The following GNG7 variants were observed in gnomAD, a reference collection of about 807,000 sequenced individuals.
GNG7 encodes guanine nucleotide-binding protein G(I)/G(S)/G(O) subunit gamma-7.
GNG7 carries 1 observed loss-of-function variant against 4.0 expected under a neutral mutation model. The observed-to-expected ratio is 0.25, with a 90% CI of 0.09 to 1.18. GNG7 has a LOEUF of 1.18. Among genes scored for constraint, GNG7 ranks in the 50% most tolerant of loss-of-function variants. The pLI is 0.50. For missense variants in GNG7, 86 were observed against 91.9 expected (o/e 0.94, Z 0.26); for synonymous variants, 34 against 36.9 (o/e 0.92, Z 0.29).
chr19:2,596,012 C>G (rs565616152), intron 2 of GNG7, among the ~76,000 whole-genome samples: 1 of 152,042 alleles, frequency 6.6e-6, no homozygotes, highest in African/African-American at 2.4e-5. Flanking sequence ...TACTCTACTA[C>G]AGAGGAGGAA....
intron 4 of GNG7, among the ~76,000 whole-genome samples, chr19:2,519,076 G>A (rs916803260): frequency 6.6e-5 from 10 of 150,940 alleles, no homozygotes; most frequent in African/African-American, 2.4e-4. Flanking sequence ...GATTCCAGGC[G>A]TGAGTCACCG....
intron 3 of GNG7, among the ~76,000 whole-genome samples, chr19:2,540,382 C>A (rs1162680704): frequency 6.6e-6 from 1 of 152,026 alleles, no homozygotes; most frequent in Non-Finnish European, 1.5e-5. Flanking sequence ...GATCTCCTGG[C>A]CTCCGGTGAT....
Position 2,657,361 on chromosome 19 carries a change from A to AATATATATAT in GNG7, c.-134-11091_-134-11082dup, listed in dbSNP as rs869231931. On this transcript the variant is annotated intron_variant, in intron 1 of 4. Coordinates refer to ENST00000382159, the MANE Select transcript of GNG7 (RefSeq NM_052847.3). The stretch of plus-strand genomic sequence containing the variant: ...TTAAAAAAAAAAAAAAAAAAAAAAA[A>AATATATATAT]ATATATATATATATATATATATATA... Among the ~76,000 whole-genome samples the AATATATATAT allele has an allele frequency of 4.2e-3, 67 of 15,942 alleles. 1 individual carries two copies. The highest frequency in any genetic ancestry group is 5.6e-3 in the South Asian group (2 of 354). The allele number at this position is 15,942 out of a possible 152,430, so 10.5% of individuals were successfully genotyped here.
At chr19:2,551,668 T>TA (rs1979336241) in intron 3 of GNG7, among the ~76,000 whole-genome samples, 3 of 112,790 alleles carry the variant, frequency 2.7e-5, no homozygotes, top group African/African-American at 4.4e-5. Context: ...AAATATATAT[T>TA]TAAAAAATAT....
chr19:2,512,960 C>A lies in GNG7; in HGVS notation c.*2062G>T, dbSNP rs1039742932. The A allele has an allele frequency of 1.0e-6, 1 of 985,340 alleles. No individual in the cohort carries two copies. The highest frequency in any genetic ancestry group is 1.7e-5 in the African/African-American group (1 of 57,254). The allele number at this position is 985,340 out of a possible 1,614,324, so 61.0% of individuals were successfully genotyped here. A position where few individuals can be genotyped will look rare whatever the true frequency, so the allele number is the denominator to read the frequency against. The stretch of plus-strand genomic sequence containing the variant: ...CCCAACCACAGGAGGCTGCAGTCTC[C>A]GGGAGCCTCTGGGGCTCTCCCGGGC... On this transcript the variant is annotated 3_prime_UTR_variant, in exon 5 of 5. Coordinates refer to ENST00000382159, the MANE Select transcript of GNG7 (RefSeq NM_052847.3). The surrounding 1 kb of genome is among the most constrained non-coding windows in gnomAD (Gnocchi z 4.7).
rs796899840 is a variant in GNG7, at chr19:2,633,487, G to GCACACACA, written c.-78+12729_-78+12736dup. Reference sequence around the variant, plus strand: ...TAGCAACAGGCGCGCGCGCGCGCGCGCACACACACACACACACACACACAC... The same window carrying GCACACACA: ...TAGCAACAGGCGCGCGCGCGCGCGCGCACACACACACACACACACACACACACACACAC... On this transcript the variant is annotated intron_variant, in intron 2 of 4. Coordinates refer to ENST00000382159, the MANE Select transcript of GNG7 (RefSeq NM_052847.3). This position sits in a 1 kb window ranked among gnomAD's most constrained non-coding sequence, Gnocchi z 5.9. Among the ~76,000 whole-genome samples, 927 of 103,756 alleles carry GCACACACA rather than the reference G, an allele frequency of 8.9e-3. 10 individuals are homozygous for GCACACACA. The highest frequency in any genetic ancestry group is 0.027 in the East Asian group (102 of 3,776). 68.1% of individuals were successfully genotyped at this position (103,756 alleles called of 152,430 possible).
chr19:2,526,059 C>T (rs113373218), intron 3 of GNG7, among the ~76,000 whole-genome samples: 1 of 148,356 alleles, frequency 6.7e-6, no homozygotes, highest in East Asian at 2.0e-4. Flanking sequence ...CAACCTCCTC[C>T]TCCAGGGTTC....
intron 1 of GNG7, chr19:2,700,778 T>C (rs1257207812): frequency 6.6e-6 from 1 of 152,158 alleles, no homozygotes; most frequent in Non-Finnish European, 1.5e-5. Flanking sequence ...AGCGAGAGGC[T>C]GGGTCGGAAC....
In GNG7 at chr19:2,571,000, C is replaced by T. The variant is rs533430611; in HGVS notation, c.-77-15812G>A. On this transcript the variant is annotated intron_variant, in intron 2 of 4. Coordinates refer to ENST00000382159, the MANE Select transcript of GNG7 (RefSeq NM_052847.3). ...TTTTTTTTTTAGAGATGGGGTCTCA[C>T]TATGTTGTCCAGGTGGGTCTCAAAC... Among the ~76,000 whole-genome samples the T allele has an allele frequency of 3.3e-5, 5 of 151,564 alleles. No homozygotes were observed. In the East Asian group the frequency reaches 9.7e-4, roughly 29 times the overall value.
At chr19:2,692,484 A>C (rs976220017) in intron 1 of GNG7, among the ~76,000 whole-genome samples, 3 of 151,860 alleles carry the variant, frequency 2.0e-5, no homozygotes, top group Non-Finnish European at 4.4e-5. Context: ...AAATACAAAA[A>C]ATCAGCCGGG....
At chr19:2,684,768 C>T (rs915599968) in intron 1 of GNG7, among the ~76,000 whole-genome samples, 2 of 151,930 alleles carry the variant, frequency 1.3e-5, no homozygotes, top group African/African-American at 4.8e-5. Flanking sequence ...GCGGGTGGAT[C>T]ACCTGAGGTC....
chr19:2,602,428 C>T (rs182752103), intron 2 of GNG7, among the ~76,000 whole-genome samples: 1 of 152,200 alleles, frequency 6.6e-6, no homozygotes, highest in Non-Finnish European at 1.5e-5. Context: ...CCCTCCTGCA[C>T]GCTTTTAAGC....
chr19:2,588,301 C>G (rs1980736687), intron 2 of GNG7, among the ~76,000 whole-genome samples: 1 of 152,180 alleles, frequency 6.6e-6, no homozygotes, highest in South Asian at 2.1e-4. Flanking sequence ...TTGCAACTGG[C>G]CTTTACATCC....
At chr19:2,684,583 G>C (rs1471941789) in intron 1 of GNG7, among the ~76,000 whole-genome samples, 2 of 152,206 alleles carry the variant, frequency 1.3e-5, no homozygotes, top group Non-Finnish European at 2.9e-5. Flanking sequence ...GCCACGATGA[G>C]GATGCACTTT....
chr19:2,607,162 A>C (rs1347135854), intron 2 of GNG7, among the ~76,000 whole-genome samples: 1 of 150,990 alleles, frequency 6.6e-6, no homozygotes, highest in Non-Finnish European at 1.5e-5. Context: ...TTGAGGCTGC[A>C]GTGAGCTGTG....
chr19:2,586,984 C>CAAA (rs756891397), intron 2 of GNG7, among the ~76,000 whole-genome samples: 78 of 48,680 alleles, frequency 1.6e-3, no homozygotes, highest in Non-Finnish European at 2.4e-3. Flanking sequence ...GACTCCATCT[C>CAAA]AAAAAAAAAA....
Position 2,513,658 on chromosome 19 carries a change from G to C in GNG7, c.*1364C>G. 2 of 787,180 alleles carry C rather than the reference G, an allele frequency of 2.5e-6. No individual in the cohort carries two copies. The highest frequency in any genetic ancestry group is 3.1e-6 in the Non-Finnish European group (2 of 649,134). The allele number at this position is 787,180 out of a possible 1,614,324, so 48.8% of individuals were successfully genotyped here. A position where few individuals can be genotyped will look rare whatever the true frequency, so the allele number is the denominator to read the frequency against. On this transcript the variant is annotated 3_prime_UTR_variant, in exon 5 of 5. Coordinates refer to ENST00000382159, the MANE Select transcript of GNG7 (RefSeq NM_052847.3). Reference sequence around the variant, plus strand: ...GCAAAAAGATCGGGTTCGAGCGACAGGGTAACGTTTTGAGCGGACGTTTTG... The same window carrying C: ...GCAAAAAGATCGGGTTCGAGCGACACGGTAACGTTTTGAGCGGACGTTTTG...
At position 2,609,137 on chromosome 19, in the gene GNG7, CTGCCT is replaced by C. The variant is rs1981484646; in HGVS notation, c.-78+37082_-78+37086del. ...TGCCTCTCAGGTTCAAGCAATCCTC[CTGCCT>C]TAGCCTCCCGAGTAGCTGGGATTAC... On this transcript the variant is annotated intron_variant, in intron 2 of 4. Transcript: ENST00000382159. The surrounding 1 kb of genome is among the most constrained non-coding windows in gnomAD (Gnocchi z 4.4). Among the ~76,000 whole-genome samples, 1 of 152,050 alleles carries C rather than the reference CTGCCT, an allele frequency of 6.6e-6. No individual in the cohort carries two copies. Among genetic ancestry groups the C allele is most frequent in the African/African-American group, 2.4e-5 (1 of 41,402 alleles).
intron 3 of GNG7, among the ~76,000 whole-genome samples, chr19:2,527,159 A>C (rs1348780328): frequency 6.6e-6 from 1 of 152,036 alleles, no homozygotes; most frequent in Non-Finnish European, 1.5e-5. Flanking sequence ...TTAACTTTTT[A>C]TTTTGAAACA....
Sources: allele counts gnomAD v4.1 joint callset (sites outside exome capture counted in the v4.1 genomes callset), GRCh38; gene constraint gnomAD v4.1.1; non-coding constraint Gnocchi (gnomAD v3.1); transcripts MANE v1.5; gene names NCBI Gene and HGNC (gene_info 2026-07-23, HGNC 2026-07-21).